HDAC1: variants seen among roughly 807,000 people sequenced by gnomAD.
The protein encoded by HDAC1 is protein deacetylase HDAC1.
A neutral mutation model predicts 65.5 loss-of-function variants in HDAC1; 18 were observed. The observed-to-expected ratio is 0.27, with a 90% CI of 0.19 to 0.41. The LOEUF is 0.41. Among genes scored for constraint, HDAC1 ranks in the 10% least tolerant of loss-of-function variants. The pLI, the probability that HDAC1 is intolerant of heterozygous loss-of-function variation, is 1.00. For missense variants in HDAC1, 373 were observed against 625.2 expected, an observed-to-expected ratio of 0.60 and a Z score of 4.30; for synonymous variants, 211 against 227.9, an observed-to-expected ratio of 0.93 and a Z score of 0.67.
chr1:32,301,102 G>A (rs1187379919), intron 1 of HDAC1, among the ~76,000 whole-genome samples: 1 of 152,104 alleles, frequency 6.6e-6, no homozygotes, highest in Non-Finnish European at 1.5e-5. Flanking sequence ...AGGAGATGAA[G>A]CTGGAAAGGC....
At chr1:32,297,330 C>A (rs772057157) in intron 1 of HDAC1, among the ~76,000 whole-genome samples, 5 of 152,130 alleles carry the variant, frequency 3.3e-5, no homozygotes, top group Admixed American at 6.6e-5. Flanking sequence ...TCACTTGAGA[C>A]CAGGCGTTCA....
intron 3 of HDAC1, among the ~76,000 whole-genome samples, chr1:32,317,958 G>A (rs1053553421): frequency 6.6e-6 from 1 of 151,986 alleles, no homozygotes; most frequent in Non-Finnish European, 1.5e-5. Flanking sequence ...GTTATTTCCC[G>A]CCCCTGCCAC....
chr1:32,315,792 C>T (rs1448366218), intron 2 of HDAC1, among the ~76,000 whole-genome samples: 1 of 148,308 alleles, frequency 6.7e-6, no homozygotes, highest in African/African-American at 2.5e-5. Context: ...ATGGTAAAAC[C>T]CCATCTCTAC....
Position 32,298,634 on chromosome 1 carries a change from G to C in HDAC1, c.50-3987G>C, listed in dbSNP as rs112282152. On this transcript the variant is annotated intron_variant, in intron 1 of 13. Coordinates refer to ENST00000373548, the MANE Select transcript of HDAC1 (RefSeq NM_004964.3). Reference sequence around the variant, plus strand: ...ATCAGGCAAGTCACCTTACATTTCAGATTTCTCTCCTATAAAATCAAAATG... The same window carrying C: ...ATCAGGCAAGTCACCTTACATTTCACATTTCTCTCCTATAAAATCAAAATG... 1.3e-3 allele frequency among the ~76,000 whole-genome samples: 194 copies of C among 152,308 alleles called. 1 individual carries two copies. Among genetic ancestry groups the C allele is most frequent in the African/African-American group, 4.4e-3 (184 of 41,572 alleles).
chr1:32,332,344 G>A, intron 12 of HDAC1, 102 bp downstream of exon 12: 1 of 1,109,058 alleles, frequency 9.0e-7, no homozygotes. Flanking sequence ...CAGCTCCTGT[G>A]GGGCTCTTCC....
At chr1:32,294,718 G>A (rs1640744207) in intron 1 of HDAC1, among the ~76,000 whole-genome samples, 1 of 150,704 alleles carries the variant, frequency 6.6e-6, no homozygotes, top group Non-Finnish European at 1.5e-5. Context: ...GTTTCACCGT[G>A]TTAGCCAGGA....
At chr1:32,310,645 T>C (rs998453337) in intron 2 of HDAC1, among the ~76,000 whole-genome samples, 5 of 151,996 alleles carry the variant, frequency 3.3e-5, no homozygotes, top group Non-Finnish European at 7.4e-5. Flanking sequence ...AGGTCAGCAG[T>C]TTGAGACCAG....
intron 4 of HDAC1, among the ~76,000 whole-genome samples, chr1:32,326,163 C>T (rs1641214328): frequency 6.6e-6 from 1 of 151,668 alleles, no homozygotes; most frequent in East Asian, 1.9e-4. Context: ...GGTAATTTTT[C>T]TTTTTCTTTT....
At chr1:32,326,234 C>T (rs1249705051) in intron 4 of HDAC1, among the ~76,000 whole-genome samples, 1 of 151,628 alleles carries the variant, frequency 6.6e-6, no homozygotes, top group East Asian at 2.0e-4. Flanking sequence ...GATCTTGGCT[C>T]ACTGCAACCT....
intron 4 of HDAC1, among the ~76,000 whole-genome samples, chr1:32,325,117 T>G (rs1046257060): frequency 6.6e-5 from 10 of 152,194 alleles, no homozygotes; most frequent in African/African-American, 2.4e-4. Context: ...CTCCTGGGGT[T>G]GTTAAGATGC....
At position 32,324,558 on chromosome 1, in the gene HDAC1, G is replaced by T; in HGVS notation, c.355+5G>T. On this transcript the variant is annotated splice_donor_5th_base_variant and intron_variant, in intron 4 of 13. Transcript: ENST00000373548. Reference sequence around the variant, plus strand: ...TGTCTACTGGTGGTTCTGTGGGTAAGGAATATTCATCTTCTCCCCAGGGGT... The same window carrying T: ...TGTCTACTGGTGGTTCTGTGGGTAATGAATATTCATCTTCTCCCCAGGGGT... The T allele has an allele frequency of 6.3e-7, 1 of 1,597,214 alleles. No homozygotes were observed. Among genetic ancestry groups the T allele is most frequent in the Non-Finnish European group, 8.6e-7 (1 of 1,164,486 alleles).
intron 1 of HDAC1, among the ~76,000 whole-genome samples, chr1:32,298,500 G>A (rs1640803297): frequency 6.6e-6 from 1 of 152,174 alleles, no homozygotes; most frequent in Non-Finnish European, 1.5e-5. Context: ...ACAGGCGTGA[G>A]CCACTAGGCC....
intron 2 of HDAC1, among the ~76,000 whole-genome samples, chr1:32,309,514 C>T (rs2148061542): frequency 6.6e-6 from 1 of 152,124 alleles, no homozygotes; most frequent in East Asian, 1.9e-4. Context: ...TGGTGAAACC[C>T]TCTCTCTACT....
chr1:32,319,933 A>G (rs1641116864), intron 3 of HDAC1, among the ~76,000 whole-genome samples: 1 of 151,616 alleles, frequency 6.6e-6, no homozygotes, highest in Admixed American at 6.6e-5. Flanking sequence ...AAAAACACAC[A>G]TGGCCAGGCG....
At chr1:32,293,094 G>A (rs1640719648) in intron 1 of HDAC1, among the ~76,000 whole-genome samples, 1 of 152,178 alleles carries the variant, frequency 6.6e-6, no homozygotes, top group South Asian at 2.1e-4. Context: ...GCCGAGGCTG[G>A]TGGATCACCT....
chr1:32,324,562 T>A lies in HDAC1; in HGVS notation c.355+9T>A. 6.3e-7 allele frequency: 1 copy of A among 1,589,966 alleles called. No homozygotes were observed. Among genetic ancestry groups the A allele is most frequent in the South Asian group, 1.1e-5 (1 of 90,594 alleles). On this transcript the variant is annotated intron_variant, in intron 4 of 13. Coordinates refer to ENST00000373548, the MANE Select transcript of HDAC1 (RefSeq NM_004964.3). ...TACTGGTGGTTCTGTGGGTAAGGAA[T>A]ATTCATCTTCTCCCCAGGGGTAGAC...
chr1:32,311,526 G>A (rs1640993063), intron 2 of HDAC1, among the ~76,000 whole-genome samples: 1 of 152,124 alleles, frequency 6.6e-6, no homozygotes, highest in Admixed American at 6.6e-5. Context: ...GGTTGGTGCT[G>A]AGAATAGGAA....
chr1:32,327,152 C>T lies in HDAC1; in HGVS notation c.494+75C>T. On this transcript the variant is annotated intron_variant, in intron 5 of 13. Coordinates refer to ENST00000373548, the MANE Select transcript of HDAC1 (RefSeq NM_004964.3). The surrounding 1 kb of genome is among the most constrained non-coding windows in gnomAD (Gnocchi z 6.0). Reference sequence around the variant, plus strand: ...CCATTTCCCTCTTCCCCTGGGCTTGCCTCCCTAGTTTGCTTTTCCTACCGA... The same window carrying T: ...CCATTTCCCTCTTCCCCTGGGCTTGTCTCCCTAGTTTGCTTTTCCTACCGA... The T allele has an allele frequency of 6.6e-7, 1 of 1,513,132 alleles. No individual in the cohort carries two copies. Among genetic ancestry groups the T allele is most frequent in the Non-Finnish European group, 9.1e-7 (1 of 1,100,650 alleles). The allele number at this position is 1,513,132 out of a possible 1,614,324, so 93.7% of individuals were successfully genotyped here.
chr1:32,332,911 C>A, intron 13 of HDAC1, 106 bp from the exon 14 acceptor site: 1 of 1,283,586 alleles, frequency 7.8e-7, no homozygotes, highest in Non-Finnish European at 1.1e-6. Context: ...AGCTAGGAGC[C>A]CCAGCCCCCA....
Sources: gnomAD v4.1 joint callset for allele counts (sites outside exome capture counted in the v4.1 genomes callset) on GRCh38, gnomAD v4.1.1 for gene constraint, Gnocchi (gnomAD v3.1) non-coding constraint, MANE v1.5 for transcripts, NCBI Gene and HGNC (gene_info 2026-07-23, HGNC 2026-07-21) for gene names.